The following PELP1 variants were observed in gnomAD, a reference collection of about 807,000 sequenced individuals.
PELP1 encodes the protein proline-, glutamic acid- and leucine-rich protein 1.
PELP1 carries 32 observed loss-of-function variants against 95.5 expected under a neutral mutation model. That is an observed-to-expected ratio of 0.34 (90% CI 0.25 to 0.45). The LOEUF is 0.45. Among genes scored for constraint, PELP1 ranks in the 20% least tolerant of loss-of-function variants. PELP1 has a pLI of 1.00. For missense variants in PELP1, 1,358 were observed against 1,444.8 expected (o/e 0.94, Z 0.97); for synonymous variants, 668 against 600.1 (o/e 1.11, Z -1.65).
intron 12 of PELP1, 40 bp downstream of exon 12, chr17:4,674,769 G>C (rs1345447462): frequency 5.0e-6 from 8 of 1,592,592 alleles, no homozygotes; most frequent in Non-Finnish European, 5.1e-6. Context: ...TGGTCAAAGG[G>C]CACAGGATGA....
intron 1 of PELP1, among the ~76,000 whole-genome samples, chr17:4,695,545 A>G (rs941446977): frequency 6.6e-6 from 1 of 151,374 alleles, no homozygotes; most frequent in East Asian, 2.0e-4. Context: ...ATGCACCTGC[A>G]GTCCCAGCTA....
At position 4,676,099 on chromosome 17, in the gene PELP1, T is replaced by C. The variant is rs1912460014; in HGVS notation, c.917A>G (p.His306Arg). Reference sequence around the variant, plus strand: ...CCTCTGCCGAAGCTGGAGAAGGACATGGGCATCACCATCTTCTGAGGACAG... The same window carrying C: ...CCTCTGCCGAAGCTGGAGAAGGACACGGGCATCACCATCTTCTGAGGACAG... The part of the protein sequence containing the change: ...MLLSSEDGDA[H>R]VLLQLRQRFS... The change falls in exon 8 of 17, where the codon CAT (histidine) becomes CGT (arginine). Residue 306 changes from histidine to arginine, a missense_variant. This residue lies in a region of PELP1 where 538 missense variants were observed against 628.1 expected (regional missense o/e 0.86). Transcript: ENST00000572293. 1 of 1,613,960 alleles carries C rather than the reference T, an allele frequency of 6.2e-7. No individual in the cohort carries two copies. Among genetic ancestry groups the C allele is most frequent in the Non-Finnish European group, 8.5e-7 (1 of 1,179,892 alleles).
Position 4,671,787 on chromosome 17 carries a change from C to A in PELP1, c.3204G>T (p.Glu1068Asp). 1 of 1,517,046 alleles carries A rather than the reference C, an allele frequency of 6.6e-7. No individual in the cohort carries two copies. The highest frequency in any genetic ancestry group is 1.4e-5 in the South Asian group (1 of 73,106). 94.0% of individuals were successfully genotyped at this position (1,517,046 alleles called of 1,614,324 possible). A position where few individuals can be genotyped will look rare whatever the true frequency, so the allele number is the denominator to read the frequency against. ...PSAPPTLLEE[E>D]TEDGSDKVQP... The stretch of plus-strand genomic sequence containing the variant: ...GCACCTTGTCACTCCCATCCTCAGT[C>A]TCCTCTTCCAACAGGGTTGGGGGAG... The change falls in exon 16 of 17, where the codon GAG (glutamate) becomes GAT (aspartate). Residue 1068 changes from glutamate to aspartate, a missense_variant. Transcript: ENST00000572293.
intron 3 of PELP1, 40 bp downstream of exon 3, chr17:4,690,848 G>A (rs1238623970): frequency 1.5e-5 from 18 of 1,241,124 alleles, no homozygotes; most frequent in Non-Finnish European, 1.9e-5. Flanking sequence ...GGAATAAGAT[G>A]GGGGAGGAGG....
chr17:4,694,226 G>C (rs2150564312), intron 1 of PELP1, among the ~76,000 whole-genome samples: 1 of 152,220 alleles, frequency 6.6e-6, no homozygotes, highest in African/African-American at 2.4e-5. Context: ...GGAGGGCTTG[G>C]TGGGCAATGG....
intron 3 of PELP1, chr17:4,683,161 G>A (rs1912754701): frequency 4.8e-6 from 5 of 1,044,220 alleles, no homozygotes; most frequent in Non-Finnish European, 6.1e-6. Context: ...AGGAATTTGT[G>A]TGGGGGAAAA....
intron 2 of PELP1, 117 bp downstream of exon 2, chr17:4,691,261 T>G: frequency 1.3e-6 from 1 of 786,258 alleles, no homozygotes; most frequent in Non-Finnish European, 2.2e-6. Context: ...CTCCACACTC[T>G]TGGGAATAGA....
In PELP1 at chr17:4,673,273, C is replaced by A. The variant is rs867461127; in HGVS notation, c.1822G>T (p.Gly608Cys). ...LACALQAFSL[G>C]QREDSLEVSS... ...ACCTCAAGGCTATCTTCTCGCTGGC[C>A]GAGGGAGAAGGCTTGCAGGGCACAG... The change falls in exon 15 of 17, where the codon GGC becomes TGC. Residue 608 changes from glycine to cysteine, a missense_variant. Gly to Cys is a radical substitution (Grantham distance 159, BLOSUM62 -3). Coordinates refer to ENST00000572293, the MANE Select transcript of PELP1 (RefSeq NM_014389.3). The surrounding 1 kb of genome is among the most constrained non-coding windows in gnomAD (Gnocchi z 5.7). The A allele has an allele frequency of 6.3e-7, 1 of 1,576,244 alleles. No homozygotes were observed. Among genetic ancestry groups the A allele is most frequent in the East Asian group, 2.3e-5 (1 of 43,032 alleles).
In PELP1 at chr17:4,683,435, T is replaced by C. The variant is rs190156671; in HGVS notation, c.421-483A>G. The stretch of plus-strand genomic sequence containing the variant: ...CGGGGTTTCACTATGTTAGCCAGGA[T>C]GGTCTCGATCTCCGACCTCGTGATC... On this transcript the variant is annotated intron_variant, in intron 3 of 16. Coordinates refer to ENST00000572293, the MANE Select transcript of PELP1 (RefSeq NM_014389.3). Among the ~76,000 whole-genome samples, 1,207 of 151,336 alleles carry C rather than the reference T, an allele frequency of 8.0e-3. 8 individuals carry two copies. Among genetic ancestry groups the C allele is most frequent in the Middle Eastern group, 0.031 (9 of 292 alleles).
chr17:4,703,908 C>A lies in PELP1; in HGVS notation c.204G>T (p.Gly68=). 6.2e-7 allele frequency: 1 copy of A among 1,613,416 alleles called. No homozygotes were observed. Among genetic ancestry groups the A allele is most frequent in the African/African-American group, 1.3e-5 (1 of 75,056 alleles). The change falls in exon 1 of 17, where the codon GGG becomes GGT. Residue 68 remains glycine (G), a synonymous_variant. Transcript: ENST00000572293. ...CATGCAGCCGCAATAGGCACATGAG[C>A]CCGGGCAAATGTGGGGCCGAGCGGT... ...PPNRSAPHLP[G]LMCLLRLHGS... is the part of the protein sequence containing the mutation.
chr17:4,676,225 G>A lies in PELP1; in HGVS notation c.854-63C>T, dbSNP rs1912469404. The A allele has an allele frequency of 1.9e-6, 3 of 1,596,836 alleles. No homozygotes were observed. In the South Asian group the frequency reaches 3.4e-5, roughly 18 times the overall value. Reference sequence around the variant, plus strand: ...TCCATCCCCTCCTCTGTCATTTCTGGTGGACGACCTGCCTGTATTCTAACC... The same window carrying A: ...TCCATCCCCTCCTCTGTCATTTCTGATGGACGACCTGCCTGTATTCTAACC... On this transcript the variant is annotated intron_variant, in intron 7 of 16. Transcript: ENST00000572293.
rs575727361 is a variant in PELP1 at position 4,673,170 on chromosome 17, G to A, written c.1846-25C>T. On this transcript the variant is annotated intron_variant, in intron 15 of 16. Coordinates refer to ENST00000572293, the MANE Select transcript of PELP1 (RefSeq NM_014389.3). This position sits in a 1 kb window ranked among gnomAD's most constrained non-coding sequence, Gnocchi z 5.7. The stretch of plus-strand genomic sequence containing the variant: ...CCTGAGGAAAGAAGAAAGGGCAAGT[G>A]TGAGCACCAGAAATACTGGGAGTCT... 6.6e-7 allele frequency: 1 copy of A among 1,513,774 alleles called. No homozygotes were observed. The highest frequency in any genetic ancestry group is 1.3e-5 in the South Asian group (1 of 76,832). The allele number at this position is 1,513,774 out of a possible 1,614,324, so 93.8% of individuals were successfully genotyped here.
At chr17:4,702,282 G>T (rs546603215) in intron 1 of PELP1, among the ~76,000 whole-genome samples, 1 of 152,258 alleles carries the variant, frequency 6.6e-6, no homozygotes, top group East Asian at 1.9e-4. Flanking sequence ...AGCCGGGCAT[G>T]GTGGCGCATG....
At chr17:4,682,598 C>T (rs748651108) in intron 4 of PELP1, 25 bp from the exon 5 acceptor site, 36 of 1,570,104 alleles carry the variant, frequency 2.3e-5, no homozygotes, top group Middle Eastern at 3.3e-4. Context: ...AAGGGAGAAA[C>T]GAGAGGCTGC....
In PELP1 at chr17:4,674,640, C is replaced by T. The variant is rs757051159; in HGVS notation, c.1452G>A (p.Gly484=). The T allele has an allele frequency of 1.3e-5, 21 of 1,601,140 alleles. No homozygotes were observed. Among genetic ancestry groups the T allele is most frequent in the Non-Finnish European group, 1.8e-5 (21 of 1,176,552 alleles). The change falls in exon 13 of 17, where the codon GGG becomes GGA. Residue 484 remains glycine, a synonymous_variant. Transcript: ENST00000572293. ...CGCTAGGCTTCCCAGTCTGCAAACT[C>T]CCATCAGGGCTCCCCCGCGGGCTAC... is the stretch of plus-strand genomic sequence containing the variant. ...KLRSPRGSPD[G]SLQTGKPSAP...
rs772576596 is a variant in PELP1, at chr17:4,703,914, C to G, written c.198G>C (p.Leu66Phe). Residue 66 changes from leucine (L) to phenylalanine (F), a missense_variant, in exon 1 of 17, where the codon TTG becomes TTC. Physicochemically the swap from Leu to Phe is conservative, Grantham distance 22. This residue lies in a region of PELP1 where 169 missense variants were observed against 134.9 expected (regional missense o/e 1.25). Transcript: ENST00000572293. ...VHPPNRSAPH[L>F]PGLMCLLRLH... The stretch of plus-strand genomic sequence containing the variant: ...GCCGCAATAGGCACATGAGCCCGGG[C>G]AAATGTGGGGCCGAGCGGTTTGGGG... 2.5e-6 allele frequency: 4 copies of G among 1,613,398 alleles called. No homozygotes were observed. In the Admixed American group the frequency reaches 5.0e-5, roughly 20 times the overall value.
In PELP1 at chr17:4,673,368, C is replaced by T; in HGVS notation, c.1727G>A (p.Arg576His). Residue 576 changes from arginine to histidine, a missense_variant, in exon 15 of 17, where the codon CGC (arginine) becomes CAC (histidine). Arg to His is a conservative substitution (Grantham distance 29). This residue lies in a region of PELP1 where 538 missense variants were observed against 628.1 expected (regional missense o/e 0.86). Coordinates refer to ENST00000572293, the MANE Select transcript of PELP1 (RefSeq NM_014389.3). This position sits in a 1 kb window ranked among gnomAD's most constrained non-coding sequence, Gnocchi z 5.7. ...GSSPYTSSRCRRELYCLLLAL... is the reference protein window; with the variant it reads ...GSSPYTSSRCHRELYCLLLAL... ...CAGCAGCAGGCAGTAGAGTTCACGGCGGCAGCGGGAGCTCGTGTACGGGGA... is the reference window on the plus strand; with the variant it reads ...CAGCAGCAGGCAGTAGAGTTCACGGTGGCAGCGGGAGCTCGTGTACGGGGA... The T allele has an allele frequency of 2.5e-6, 4 of 1,596,116 alleles. No individual in the cohort carries two copies. The highest frequency in any genetic ancestry group is 1.1e-5 in the South Asian group (1 of 88,274).
rs9896236 is a variant in PELP1, at chr17:4,695,667, T to A, written c.250-4225A>T. The stretch of plus-strand genomic sequence containing the variant: ...GGCAAAAGAGTGAGACCCTCTCTCT[T>A]AAAAAAAAAAAAAAAAAAAAAAAAA... On this transcript the variant is annotated intron_variant, in intron 1 of 16. Transcript: ENST00000572293. Among the ~76,000 whole-genome samples, 390 of 62,584 alleles carry A rather than the reference T, an allele frequency of 6.2e-3. 12 individuals carry two copies. In the Middle Eastern group the frequency reaches 0.062, roughly 10 times the overall value. The allele number at this position is 62,584 out of a possible 152,430, so 41.1% of individuals were successfully genotyped here. A position where few individuals can be genotyped will look rare whatever the true frequency, so the allele number is the denominator to read the frequency against.
At chr17:4,686,625 C>T (rs570326371) in intron 3 of PELP1, among the ~76,000 whole-genome samples, 1 of 152,282 alleles carries the variant, frequency 6.6e-6, no homozygotes, top group Non-Finnish European at 1.5e-5. Context: ...TAGAGCAATT[C>T]TCCCACCTCA....
Sources: gnomAD v4.1 joint callset for allele counts (sites outside exome capture counted in the v4.1 genomes callset) on GRCh38, gnomAD v4.1.1 for gene constraint, gnomAD v4.1.1 regional missense constraint, Gnocchi (gnomAD v3.1) non-coding constraint, MANE v1.5 for transcripts, NCBI Gene and HGNC (gene_info 2026-07-23, HGNC 2026-07-21) for gene names.